RNF150: variants seen among roughly 807,000 people sequenced by gnomAD.
The protein encoded by RNF150 is ring finger protein 150.
A neutral mutation model predicts 39.3 loss-of-function variants in RNF150; 24 were observed. The ratio of observed to expected loss-of-function variants is 0.61; its 90% CI spans 0.44 to 0.86. The LOEUF is 0.86. RNF150 is among the 40% of genes least tolerant of loss of function. The probability of loss-of-function intolerance (pLI) is 0.00; values close to 1 mark genes in which losing one functional copy is unlikely to be tolerated. For missense variants in RNF150, 502 were observed against 587.8 expected (o/e 0.85, Z 1.51); for synonymous variants, 255 against 227.3 (o/e 1.12, Z -1.10).
Position 141,082,436 on chromosome 4 carries a change from C to T in RNF150, c.484+49889G>A, listed in dbSNP as rs183843113. ...TACTGGTTTTCCTTGCATTTCCTGA[C>T]TGTTCTGGTCTTCATTTCCTGAGAC... On this transcript the variant is annotated intron_variant, in intron 1 of 6. Coordinates refer to ENST00000515673, the MANE Select transcript of RNF150 (RefSeq NM_020724.2). Among the ~76,000 whole-genome samples the T allele has an allele frequency of 3.9e-5, 6 of 152,158 alleles. No homozygotes were observed. The East Asian group carries it at 1.2e-3, about 29-fold the overall frequency.
intron 4 of RNF150, among the ~76,000 whole-genome samples, chr4:140,941,072 A>C (rs905019873): frequency 6.6e-6 from 1 of 152,128 alleles, no homozygotes; most frequent in African/African-American, 2.4e-5. Flanking sequence ...GCAAAAGAAG[A>C]AAAAAAATAA....
intron 1 of RNF150, among the ~76,000 whole-genome samples, chr4:141,046,731 T>C (rs1736589839): frequency 6.6e-6 from 1 of 152,158 alleles, no homozygotes; most frequent in Non-Finnish European, 1.5e-5. Flanking sequence ...TTTATTCCAT[T>C]GATTAGGGAA....
chr4:141,067,362 T>C (rs1052580713), intron 1 of RNF150, among the ~76,000 whole-genome samples: 1 of 152,198 alleles, frequency 6.6e-6, no homozygotes, highest in African/African-American at 2.4e-5. Flanking sequence ...GGAAAAGAAG[T>C]CCACAAACTC....
intron 1 of RNF150, among the ~76,000 whole-genome samples, chr4:141,094,684 A>G (rs1185240533): frequency 6.6e-6 from 1 of 152,270 alleles, no homozygotes; most frequent in African/African-American, 2.4e-5. Context: ...AAGAGACAAC[A>G]AAATTATCTG....
chr4:140,968,885 G>C (rs1733352737), intron 1 of RNF150, among the ~76,000 whole-genome samples: 1 of 151,686 alleles, frequency 6.6e-6, no homozygotes, highest in Non-Finnish European at 1.5e-5. Context: ...ATTAGGGTAT[G>C]TTTGCAGGAA....
Position 141,132,477 on chromosome 4 carries a change from G to C in RNF150, c.332C>G (p.Pro111Arg). Residue 111 changes from proline (P) to arginine (R), a missense_variant, in exon 1 of 7, where the codon CCG (proline) becomes CGG (arginine). Transcript: ENST00000515673. This position sits in a 1 kb window ranked among gnomAD's most constrained non-coding sequence, Gnocchi z 4.9. Reference protein sequence around the residue: ...ACDPNTKFAAPTRGKNWIALI... With the variant: ...ACDPNTKFAARTRGKNWIALI... ...GGCTATCCAGTTCTTGCCGCGGGTC[G>C]GGGCGGCGAACTTGGTGTTGGGGTC... The C allele has an allele frequency of 6.2e-7, 1 of 1,608,688 alleles. No homozygotes were observed. Among genetic ancestry groups the C allele is most frequent in the Non-Finnish European group, 8.5e-7 (1 of 1,178,298 alleles).
chr4:140,871,014 A>G (rs545512119), intron 6 of RNF150, among the ~76,000 whole-genome samples: 1 of 141,294 alleles, frequency 7.1e-6, no homozygotes, highest in Non-Finnish European at 1.5e-5. Flanking sequence ...ATATATATAT[A>G]TATGTATACA....
intron 6 of RNF150, among the ~76,000 whole-genome samples, chr4:140,894,832 A>G (rs1729880263): frequency 6.6e-6 from 1 of 152,198 alleles, no homozygotes; most frequent in Non-Finnish European, 1.5e-5. Flanking sequence ...AGTTTCCTGT[A>G]ACGTAGATGC....
At chr4:140,892,557 C>T (rs72933179) in intron 6 of RNF150, among the ~76,000 whole-genome samples, 8,622 of 152,220 alleles carry the variant, frequency 0.057, 837 homozygotes, top group African/African-American at 0.19. Flanking sequence ...TGTTAAAAAC[C>T]CAAAGGCAAA....
intron 4 of RNF150, among the ~76,000 whole-genome samples, chr4:140,927,370 G>A (rs1731438693): frequency 1.3e-5 from 2 of 152,166 alleles, no homozygotes; most frequent in South Asian, 4.1e-4. Context: ...CAGTTTGGAG[G>A]TGGGGCCTGG....
chr4:141,189,942 G>T (rs1728075671), intron 1 of RNF150, among the ~76,000 whole-genome samples: 1 of 152,158 alleles, frequency 6.6e-6, no homozygotes, highest in African/African-American at 2.4e-5. Context: ...TGCCACTGGG[G>T]TATGAAAAAA....
chr4:140,882,177 G>A (rs2111206401), intron 6 of RNF150, among the ~76,000 whole-genome samples: 1 of 151,996 alleles, frequency 6.6e-6, no homozygotes, highest in Admixed American at 6.5e-5. Context: ...CCGCCACTAC[G>A]CCCGGCTAAT....
intron 1 of RNF150, among the ~76,000 whole-genome samples, chr4:141,202,958 A>T (rs1197543342): frequency 1.3e-5 from 2 of 151,384 alleles, no homozygotes; most frequent in African/African-American, 4.8e-5. Context: ...AATAAAATTT[A>T]TGTTTTTTGT....
At chr4:141,059,700 G>A (rs1355180675) in intron 1 of RNF150, among the ~76,000 whole-genome samples, 2 of 152,000 alleles carry the variant, frequency 1.3e-5, no homozygotes, top group Non-Finnish European at 2.9e-5. Context: ...ACCTGAAAAT[G>A]TATGATTTAA....
intron 5 of RNF150, 53 bp downstream of exon 5, chr4:140,925,924 A>T: frequency 7.9e-7 from 1 of 1,266,874 alleles, no homozygotes; most frequent in Non-Finnish European, 1.2e-6. Flanking sequence ...CCCTGCTTTG[A>T]GGGCAACGCA....
At chr4:141,160,736 A>C (rs1727495874) in intron 1 of RNF150, among the ~76,000 whole-genome samples, 1 of 152,014 alleles carries the variant, frequency 6.6e-6, no homozygotes, top group Non-Finnish European at 1.5e-5. Context: ...TCCCCCTCCC[A>C]CTTCTTCCTG....
At chr4:140,902,762 C>T (rs1451005826) in intron 6 of RNF150, among the ~76,000 whole-genome samples, 2 of 152,164 alleles carry the variant, frequency 1.3e-5, no homozygotes, top group South Asian at 4.1e-4. Context: ...GGGTCCGCTG[C>T]GTATAGGAAT....
At chr4:140,967,987 G>T in intron 1 of RNF150, 114 bp from the exon 2 acceptor site, 1 of 926,620 alleles carries the variant, frequency 1.1e-6, no homozygotes, top group Non-Finnish European at 1.6e-6. Context: ...GTACTTTTGA[G>T]AATTCTGTGC....
At chr4:141,124,907 A>T (rs1200502580) in intron 1 of RNF150, among the ~76,000 whole-genome samples, 1 of 152,246 alleles carries the variant, frequency 6.6e-6, no homozygotes, top group Non-Finnish European at 1.5e-5. Flanking sequence ...TATGAAATAT[A>T]TGTTCACAAA....
Sources: allele counts gnomAD v4.1 joint callset (sites outside exome capture counted in the v4.1 genomes callset), GRCh38; gene constraint gnomAD v4.1.1; non-coding constraint Gnocchi (gnomAD v3.1); transcripts MANE v1.5; gene names NCBI Gene and HGNC (gene_info 2026-07-23, HGNC 2026-07-21).